PDE4B: variants seen among roughly 807,000 people sequenced by gnomAD.
PDE4B encodes phosphodiesterase 4B.
Under a neutral mutation model 82.2 loss-of-function variants are expected in PDE4B, and 20 were observed. The observed-to-expected ratio is 0.24, with a 90% CI of 0.17 to 0.35. The LOEUF (loss-of-function observed/expected upper bound fraction) is 0.35, where lower values mean the gene tolerates loss of function less well. Ranked by LOEUF, PDE4B falls within the 10% of genes least tolerant of loss-of-function variation. The pLI, the probability that PDE4B is intolerant of heterozygous loss-of-function variation, is 1.00. For missense variants in PDE4B, 655 were observed against 907.2 expected (o/e 0.72, Z 3.57); for synonymous variants, 320 against 318.9 (o/e 1.00, Z -0.04).
At chr1:66,062,604 A>G (rs748779427) in intron 3 of PDE4B, among the ~76,000 whole-genome samples, 4 of 152,100 alleles carry the variant, frequency 2.6e-5, no homozygotes, top group Non-Finnish European at 4.4e-5. Context: ...AAGTTCAGCT[A>G]TGAAATAAAG....
In PDE4B at chr1:66,370,150, CAAAAAAA is replaced by C. The variant is rs752920376; in HGVS notation, c.1845+1203_1845+1209del. Among the ~76,000 whole-genome samples the C allele has an allele frequency of 4.2e-4, 12 of 28,650 alleles. No individual in the cohort carries two copies. In the South Asian group the frequency reaches 8.4e-3, roughly 20 times the overall value. 18.8% of individuals were successfully genotyped at this position (28,650 alleles called of 152,430 possible). ...TGGGCAACAGAGCAAGACTCTATCT[CAAAAAAA>C]AAAAAAAAAAAAAAAAAAAAAGAAA... On this transcript the variant is annotated intron_variant, in intron 16 of 16. Transcript: ENST00000341517.
At chr1:66,310,862 G>A (rs1379132089) in intron 7 of PDE4B, among the ~76,000 whole-genome samples, 2 of 152,160 alleles carry the variant, frequency 1.3e-5, no homozygotes, top group African/African-American at 4.8e-5. Flanking sequence ...GGAAGGTAAT[G>A]CCTACTTTGT....
chr1:66,254,590 C>T (rs926050449), intron 4 of PDE4B, among the ~76,000 whole-genome samples: 6 of 152,136 alleles, frequency 3.9e-5, no homozygotes, highest in African/African-American at 1.4e-4. Context: ...CACCCGGATA[C>T]AAATCAGTAC....
intron 7 of PDE4B, among the ~76,000 whole-genome samples, chr1:66,294,142 G>A (rs1657320973): frequency 6.6e-6 from 1 of 152,100 alleles, no homozygotes; most frequent in South Asian, 2.1e-4. Flanking sequence ...GGAGGCGGTG[G>A]TTGCAGTGAG....
intron 3 of PDE4B, among the ~76,000 whole-genome samples, chr1:66,066,159 T>G (rs1487616094): frequency 6.6e-6 from 1 of 151,720 alleles, no homozygotes; most frequent in Non-Finnish European, 1.5e-5. Context: ...ATGTATCATT[T>G]GATCTTTCAG....
intron 7 of PDE4B, among the ~76,000 whole-genome samples, chr1:66,297,774 G>A (rs756720992): frequency 3.3e-4 from 50 of 152,080 alleles, no homozygotes; most frequent in Non-Finnish European, 6.0e-4. Flanking sequence ...GTGCTTTGGG[G>A]GACACATTCA....
chr1:66,286,894 C>T (rs1656715612), intron 7 of PDE4B, among the ~76,000 whole-genome samples: 1 of 151,968 alleles, frequency 6.6e-6, no homozygotes, highest in African/African-American at 2.4e-5. Context: ...TAATGTATGC[C>T]CCCCCATGGT....
At chr1:66,145,678 T>C (rs1646254645) in intron 3 of PDE4B, among the ~76,000 whole-genome samples, 1 of 152,214 alleles carries the variant, frequency 6.6e-6, no homozygotes, top group African/African-American at 2.4e-5. Flanking sequence ...TCCTGTGGTC[T>C]TCAGATGATG....
chr1:66,332,569 G>A lies in PDE4B; in HGVS notation c.696G>A (p.Gln232=), dbSNP rs1453022124. 6.2e-7 allele frequency: 1 copy of A among 1,614,064 alleles called. No homozygotes were observed. The highest frequency in any genetic ancestry group is 2.2e-5 in the East Asian group (1 of 44,888). The change falls in exon 8 of 17, where the codon CAG becomes CAA. Residue 232 remains glutamine (Q), a synonymous_variant. Transcript: ENST00000341517. ...AGGAATTAGACTGGTGTTTAGACCA[G>A]CTAGAGACCATACAGACCTACCGGT... ...TLEELDWCLD[Q]LETIQTYRSV... is the part of the protein sequence containing the mutation.
At chr1:66,149,266 A>G (rs1450370496) in intron 3 of PDE4B, among the ~76,000 whole-genome samples, 1 of 151,722 alleles carries the variant, frequency 6.6e-6, no homozygotes, top group African/African-American at 2.4e-5. Flanking sequence ...ATCTGTTTAT[A>G]TTTTTTTTGA....
At chr1:66,316,869 G>A (rs946058707) in intron 7 of PDE4B, among the ~76,000 whole-genome samples, 14 of 152,186 alleles carry the variant, frequency 9.2e-5, no homozygotes, top group African/African-American at 3.1e-4. Context: ...TTTTTCTAAA[G>A]TCTGGAGCTG....
chr1:65,879,980 C>T (rs1646691679), intron 1 of PDE4B, among the ~76,000 whole-genome samples: 1 of 152,164 alleles, frequency 6.6e-6, no homozygotes, highest in Non-Finnish European at 1.5e-5. Context: ...GGCTTGCCTT[C>T]CCCAAAACAT....
chr1:66,121,187 T>A (rs1645702369), intron 3 of PDE4B, among the ~76,000 whole-genome samples: 1 of 151,874 alleles, frequency 6.6e-6, no homozygotes, highest in Non-Finnish European at 1.5e-5. Context: ...AAGTGAAAAG[T>A]GCGAAGACAA....
At chr1:65,951,481 C>T (rs1388353598) in intron 3 of PDE4B, among the ~76,000 whole-genome samples, 1 of 152,018 alleles carries the variant, frequency 6.6e-6, no homozygotes, top group Non-Finnish European at 1.5e-5. Flanking sequence ...AAAAAAGTGT[C>T]ACCTCTCGTC....
In PDE4B at chr1:65,793,849, T is replaced by A. The variant is rs116622295; in HGVS notation, c.-71+601T>A. On this transcript the variant is annotated intron_variant, in intron 1 of 16. Transcript: ENST00000341517. ...TTGGGGAAGGAAGAGGCTCTCCTCCTTTCTCCTGTCACTTTCCTTCATGCC... is the reference window on the plus strand; with the variant it reads ...TTGGGGAAGGAAGAGGCTCTCCTCCATTCTCCTGTCACTTTCCTTCATGCC... Among the ~76,000 whole-genome samples, 1,503 of 152,302 alleles carry A rather than the reference T, an allele frequency of 9.9e-3. 20 individuals are homozygous for A. Among genetic ancestry groups the A allele is most frequent in the African/African-American group, 0.034 (1,412 of 41,558 alleles).
intron 3 of PDE4B, among the ~76,000 whole-genome samples, chr1:66,109,433 G>A (rs1024535223): frequency 6.6e-6 from 1 of 151,448 alleles, no homozygotes; most frequent in Non-Finnish European, 1.5e-5. Context: ...TTGCCCAATT[G>A]ATGACACATT....
chr1:66,040,842 C>A (rs1654328390), intron 3 of PDE4B, among the ~76,000 whole-genome samples: 1 of 151,656 alleles, frequency 6.6e-6, no homozygotes, highest in African/African-American at 2.4e-5. Flanking sequence ...CAACCCTTAG[C>A]CTAAAGTATG....
At chr1:66,310,507 A>G (rs6665325) in intron 7 of PDE4B, among the ~76,000 whole-genome samples, 57,516 of 152,154 alleles carry the variant, frequency 0.38, 12,942 homozygotes, top group East Asian at 0.81. Flanking sequence ...GAAAAAAAGT[A>G]TCTTTAAGTG....
chr1:66,337,652 TGGAGGGATATCTGTCAAGGTAAA>T, intron 8 of PDE4B, among the ~76,000 whole-genome samples: 1 of 152,322 alleles, frequency 6.6e-6, no homozygotes, highest in East Asian at 1.9e-4. Flanking sequence ...CAGGCTGTTA[TGGAGGGATATCTGTCAAGGTAAA>T]GGAGATAGCT....
Sources: gnomAD v4.1 joint callset for allele counts (sites outside exome capture counted in the v4.1 genomes callset) on GRCh38, gnomAD v4.1.1 for gene constraint, MANE v1.5 for transcripts, NCBI Gene and HGNC (gene_info 2026-07-23, HGNC 2026-07-21) for gene names.